The following CXCR4 variants were observed in gnomAD, a reference collection of about 807,000 sequenced individuals.
The protein encoded by CXCR4 is C-X-C chemokine receptor type 4.
Under a neutral mutation model 22.4 loss-of-function variants are expected in CXCR4, and 6 were observed. The observed-to-expected ratio is 0.27, with a 90% CI of 0.15 to 0.53. The LOEUF (loss-of-function observed/expected upper bound fraction) is 0.53, where lower values mean the gene tolerates loss of function less well. CXCR4 is among the 20% of genes least tolerant of loss of function. The pLI is 0.96. For missense variants in CXCR4, 300 were observed against 430.4 expected (o/e 0.70, Z 2.68); for synonymous variants, 155 against 171.7 (o/e 0.90, Z 0.76).
rs148279552 is a variant in CXCR4 at position 136,115,145 on chromosome 2, G to A, written c.783C>T (p.Ile261=). 3.6e-3 allele frequency: 5,786 copies of A among 1,614,192 alleles called. 14 individuals carry two copies. Among genetic ancestry groups the A allele is most frequent in the Non-Finnish European group, 4.2e-3 (4,939 of 1,180,038 alleles). The change falls in exon 2 of 2, where the codon ATC becomes ATT. Residue 261 remains isoleucine, a synonymous_variant. Coordinates refer to ENST00000241393, the MANE Select transcript of CXCR4 (RefSeq NM_003467.3). The surrounding 1 kb of genome is among the most constrained non-coding windows in gnomAD (Gnocchi z 6.4). ...CWLPYYIGIS[I]DSFILLEIIK... ...TGATTTCCAGGAGGATGAAGGAGTCGATGCTGATCCCAATGTAGTAAGGCA... is the reference window on the plus strand; with the variant it reads ...TGATTTCCAGGAGGATGAAGGAGTCAATGCTGATCCCAATGTAGTAAGGCA...
rs1684856217 is a variant in CXCR4 at position 136,115,395 on chromosome 2, C to T, written c.533G>A (p.Ser178Asn). Residue 178 changes from serine (S) to asparagine (N), a missense_variant, in exon 2 of 2, where the codon AGT becomes AAT. By Grantham distance (46) the Ser-to-Asn change is conservative. Transcript: ENST00000241393. This position sits in a 1 kb window ranked among gnomAD's most constrained non-coding sequence, Gnocchi z 6.4. Reference sequence around the variant, plus strand: ...ACAGATATATCTGTCATCTGCCTCACTGACGTTGGCAAAGATGAAGTCGGG... The same window carrying T: ...ACAGATATATCTGTCATCTGCCTCATTGACGTTGGCAAAGATGAAGTCGGG... ...TIPDFIFANV[S>N]EADDRYICDR... 2 of 1,614,102 alleles carry T rather than the reference C, an allele frequency of 1.2e-6. No individual in the cohort carries two copies. Among genetic ancestry groups the T allele is most frequent in the African/African-American group, 2.7e-5 (2 of 74,930 alleles).
At chr2:136,117,985 G>A (rs981436139) in intron 1 of CXCR4, 61 bp downstream of exon 1, 8 of 1,574,092 alleles carry the variant, frequency 5.1e-6, no homozygotes, top group Non-Finnish European at 7.0e-6. Context: ...TCGGAGAGGG[G>A]CTGCGCTCTA....
chr2:136,116,796 C>T (rs941084549), intron 1 of CXCR4, among the ~76,000 whole-genome samples: 3 of 152,146 alleles, frequency 2.0e-5, no homozygotes, highest in Non-Finnish European at 2.9e-5. Context: ...CCAGTTAACC[C>T]GGCCGGAGGT....
Position 136,115,576 on chromosome 2 carries a change from C to A in CXCR4, c.352G>T (p.Val118Phe), listed in dbSNP as rs200796213. 1.9e-6 allele frequency: 3 copies of A among 1,614,206 alleles called. No individual in the cohort carries two copies. In the African/African-American group the frequency reaches 4.0e-5, roughly 22 times the overall value. ...LCKAVHVIYT[V>F]NLYSSVLILA... is the part of the protein sequence containing the mutation. Reference sequence around the variant, plus strand: ...ATGAGGACACTGCTGTAGAGGTTGACTGTGTAGATGACATGGACTGCCTTG... The same window carrying A: ...ATGAGGACACTGCTGTAGAGGTTGAATGTGTAGATGACATGGACTGCCTTG... The change falls in exon 2 of 2, where the codon GTC (valine) becomes TTC (phenylalanine). Residue 118 changes from valine (V) to phenylalanine (F), a missense_variant. Transcript: ENST00000241393. The surrounding 1 kb of genome is among the most constrained non-coding windows in gnomAD (Gnocchi z 6.4).
At chr2:136,117,473 T>C (rs1684935440) in intron 1 of CXCR4, 1 of 152,864 alleles carries the variant, frequency 6.5e-6, no homozygotes, top group Non-Finnish European at 1.5e-5. Flanking sequence ...CTCTGCCTAC[T>C]GTGCTGGGAG....
rs990598086 is a variant in CXCR4 at position 136,116,429 on chromosome 2, C to T, written c.16-517G>A. Reference sequence around the variant, plus strand: ...CGGGGGCGTTGCAAAGACTCATTCTCCTAAAGCGCAAAAACTTAATTTTCC... The same window carrying T: ...CGGGGGCGTTGCAAAGACTCATTCTTCTAAAGCGCAAAAACTTAATTTTCC... On this transcript the variant is annotated intron_variant, in intron 1 of 1. Coordinates refer to ENST00000241393, the MANE Select transcript of CXCR4 (RefSeq NM_003467.3). 3.3e-5 allele frequency among the ~76,000 whole-genome samples: 5 copies of T among 152,138 alleles called. No individual in the cohort carries two copies. The East Asian group carries it at 9.7e-4, about 29-fold the overall frequency.
intron 1 of CXCR4, 127 bp from the exon 2 acceptor site, chr2:136,116,039 G>C: frequency 6.4e-7 from 1 of 1,565,148 alleles, no homozygotes; most frequent in Non-Finnish European, 8.7e-7. Flanking sequence ...TTCTGAAGTA[G>C]TGGGCTAAGG....
At position 136,115,750 on chromosome 2, in the gene CXCR4, T is replaced by C. The variant is rs763059810; in HGVS notation, c.178A>G (p.Ile60Val). ...LTGIVGNGLV[I>V]LVMGYQKKLR... ...TTCTTCTGGTAACCCATGACCAGGA[T>C]GACCAATCCATTGCCCACAATGCCA... is the stretch of plus-strand genomic sequence containing the variant. Residue 60 changes from isoleucine (I) to valine (V), a missense_variant, in exon 2 of 2, where the codon ATC (isoleucine) becomes GTC (valine). By Grantham distance (29) the Ile-to-Val change is conservative. Around this residue, in one of 3 missense-constraint regions of CXCR4, gnomAD observed 118 missense variants for 188.2 expected, o/e 0.63. Transcript: ENST00000241393. The surrounding 1 kb of genome is among the most constrained non-coding windows in gnomAD (Gnocchi z 6.4). 1 of 1,614,216 alleles carries C rather than the reference T, an allele frequency of 6.2e-7. No homozygotes were observed. The highest frequency in any genetic ancestry group is 1.7e-5 in the Admixed American group (1 of 60,030).
Position 136,115,245 on chromosome 2 carries a change from T to C in CXCR4, c.683A>G (p.His228Arg), listed in dbSNP as rs1684850860. 6.2e-7 allele frequency: 1 copy of C among 1,613,412 alleles called. No homozygotes were observed. ...CYCIIISKLS[H>R]SKGHQKRKAL... ...CTTGCGCTTCTGGTGGCCCTTGGAGTGTGACAGCTTGGAGATGATAATGCA... is the reference window on the plus strand; with the variant it reads ...CTTGCGCTTCTGGTGGCCCTTGGAGCGTGACAGCTTGGAGATGATAATGCA... The change falls in exon 2 of 2, where the codon CAC becomes CGC. Residue 228 changes from histidine to arginine, a missense_variant. By Grantham distance (29) the His-to-Arg change is conservative. This residue lies in a region of CXCR4 where 137 missense variants were observed against 153.2 expected (regional missense o/e 0.89). Coordinates refer to ENST00000241393, the MANE Select transcript of CXCR4 (RefSeq NM_003467.3). The surrounding 1 kb of genome is among the most constrained non-coding windows in gnomAD (Gnocchi z 6.4).
rs747963649 is a variant in CXCR4 at position 136,115,477 on chromosome 2, A to G, written c.451T>C (p.Leu151=). Residue 151 remains leucine, a synonymous_variant, in exon 2 of 2, where the codon TTG becomes CTG. Transcript: ENST00000241393. The surrounding 1 kb of genome is among the most constrained non-coding windows in gnomAD (Gnocchi z 6.4). ...ATNSQRPRKL[L]AEKVVYVGVW... Reference sequence around the variant, plus strand: ...CCAACATAGACCACCTTTTCAGCCAACAGCTTCCTTGGCCTCTGACTGTTG... The same window carrying G: ...CCAACATAGACCACCTTTTCAGCCAGCAGCTTCCTTGGCCTCTGACTGTTG... 4 of 1,614,100 alleles carry G rather than the reference A, an allele frequency of 2.5e-6. No individual in the cohort carries two copies. Among genetic ancestry groups the G allele is most frequent in the East Asian group, 4.5e-5 (2 of 44,902 alleles).
Position 136,114,988 on chromosome 2 carries a change from G to C in CXCR4, c.940C>G (p.Gln314Glu), listed in dbSNP as rs372900959. 1.9e-6 allele frequency: 3 copies of C among 1,614,166 alleles called. No individual in the cohort carries two copies. The South Asian group carries it at 3.3e-5, about 18-fold the overall frequency. The change falls in exon 2 of 2, where the codon CAG becomes GAG. Residue 314 changes from glutamine to glutamate, a missense_variant. Physicochemically the swap from Gln to Glu is conservative, Grantham distance 29. Coordinates refer to ENST00000241393, the MANE Select transcript of CXCR4 (RefSeq NM_003467.3). Reference sequence around the variant, plus strand: ...CTGCTCACAGAGGTGAGTGCGTGCTGGGCAGAGGTTTTAAATTTGGCTCCA... The same window carrying C: ...CTGCTCACAGAGGTGAGTGCGTGCTCGGCAGAGGTTTTAAATTTGGCTCCA... The part of the protein sequence containing the change: ...FLGAKFKTSA[Q>E]HALTSVSRGS...
At chr2:136,116,363 A>G (rs1573615362) in intron 1 of CXCR4, 3 of 291,590 alleles carry the variant, frequency 1.0e-5, no homozygotes, top group Admixed American at 6.2e-5. Context: ...TTTTTCGCCC[A>G]GGGAGGGAAG....
At position 136,115,870 on chromosome 2, in the gene CXCR4, C is replaced by G; in HGVS notation, c.58G>C (p.Asp20His). Reference protein sequence around the residue: ...DNYTEEMGSGDYDSMKEPCFR... With the variant: ...DNYTEEMGSGHYDSMKEPCFR... ...CAGGGTTCCTTCATGGAGTCATAGTCCCCTGAGCCCATTTCCTCGGTGTAG... is the reference window on the plus strand; with the variant it reads ...CAGGGTTCCTTCATGGAGTCATAGTGCCCTGAGCCCATTTCCTCGGTGTAG... Residue 20 changes from aspartate to histidine, a missense_variant, in exon 2 of 2, where the codon GAC (aspartate) becomes CAC (histidine). Physicochemically the swap from Asp to His is moderately conservative, Grantham distance 81 (BLOSUM62 -1). Coordinates refer to ENST00000241393, the MANE Select transcript of CXCR4 (RefSeq NM_003467.3). The surrounding 1 kb of genome is among the most constrained non-coding windows in gnomAD (Gnocchi z 6.4). 1 of 1,614,158 alleles carries G rather than the reference C, an allele frequency of 6.2e-7. No homozygotes were observed. Among genetic ancestry groups the G allele is most frequent in the Non-Finnish European group, 8.5e-7 (1 of 1,180,016 alleles).
At chr2:136,116,303 G>A (rs1573615312) in intron 1 of CXCR4, 4 of 1,044,578 alleles carry the variant, frequency 3.8e-6, no homozygotes, top group Non-Finnish European at 4.8e-6. Flanking sequence ...CGGCGTGGGG[G>A]GTGGGGTGGG....
At chr2:136,116,124 T>C in intron 1 of CXCR4, 1 of 1,461,264 alleles carries the variant, frequency 6.8e-7, no homozygotes, top group Non-Finnish European at 9.0e-7. Flanking sequence ...TATATCCTTC[T>C]TTGGTAGAAC....
At position 136,114,991 on chromosome 2, in the gene CXCR4, CAG is replaced by C; in HGVS notation, c.935_936del (p.Ser312CysfsTer31). On this transcript the variant is annotated frameshift_variant, in exon 2 of 2. Transcript: ENST00000241393. LOFTEE classifies it high-confidence loss of function. ...YAFLGAKFKT[S>X]AQHALTSVSR... ...CTCACAGAGGTGAGTGCGTGCTGGGCAGAGGTTTTAAATTTGGCTCCAAGGAA... is the reference window on the plus strand; with the variant it reads ...CTCACAGAGGTGAGTGCGTGCTGGGCAGGTTTTAAATTTGGCTCCAAGGAA... The C allele has an allele frequency of 6.2e-7, 1 of 1,614,144 alleles. No homozygotes were observed. Among genetic ancestry groups the C allele is most frequent in the Non-Finnish European group, 8.5e-7 (1 of 1,180,028 alleles).
chr2:136,114,822 T>TA lies in CXCR4; in HGVS notation c.*46dup. The TA allele has an allele frequency of 4.6e-6, 7 of 1,513,942 alleles. No homozygotes were observed. Among genetic ancestry groups the TA allele is most frequent in the African/African-American group, 1.4e-5 (1 of 72,050 alleles). 93.8% of individuals were successfully genotyped at this position (1,513,942 alleles called of 1,614,324 possible). ...TTTTATATCTGAAAAATGTGTAACT[T>TA]AAAAAAAAGTTATTTATCGTATAAA... is the stretch of plus-strand genomic sequence containing the variant. On this transcript the variant is annotated 3_prime_UTR_variant, in exon 2 of 2. Transcript: ENST00000241393.
chr2:136,115,203 A>G lies in CXCR4; in HGVS notation c.725T>C (p.Val242Ala). Reference protein sequence around the residue: ...HQKRKALKTTVILILAFFACW... With the variant: ...HQKRKALKTTAILILAFFACW... ...GGCGAAGAAAGCCAGGATGAGGATG[A>G]CTGTGGTCTTGAGGGCCTTGCGCTT... Residue 242 changes from valine (V) to alanine (A), a missense_variant, in exon 2 of 2, where the codon GTC becomes GCC. By Grantham distance (64) the Val-to-Ala change is moderately conservative (BLOSUM62 0). Coordinates refer to ENST00000241393, the MANE Select transcript of CXCR4 (RefSeq NM_003467.3). This position sits in a 1 kb window ranked among gnomAD's most constrained non-coding sequence, Gnocchi z 6.4. 6.2e-7 allele frequency: 1 copy of G among 1,614,002 alleles called. No homozygotes were observed. Among genetic ancestry groups the G allele is most frequent in the Non-Finnish European group, 8.5e-7 (1 of 1,180,000 alleles).
At chr2:136,116,690 T>TG (rs1010280719) in intron 1 of CXCR4, among the ~76,000 whole-genome samples, 1 of 152,208 alleles carries the variant, frequency 6.6e-6, no homozygotes, top group Non-Finnish European at 1.5e-5. Flanking sequence ...GGCATTTTCC[T>TG]GGGTGGAGAA....
Sources: allele counts gnomAD v4.1 joint callset (sites outside exome capture counted in the v4.1 genomes callset), GRCh38; gene constraint gnomAD v4.1.1; regional missense constraint gnomAD v4.1.1; non-coding constraint Gnocchi (gnomAD v3.1); transcripts MANE v1.5; gene names NCBI Gene and HGNC (gene_info 2026-07-23, HGNC 2026-07-21).